Variants in GALNT2 observed in about 807,000 individuals in gnomAD.
The protein encoded by GALNT2 is UDP-GalNAc:polypeptide N-acetylgalactosaminyltransferase 2.
GALNT2 carries 31 observed loss-of-function variants against 81.4 expected under a neutral mutation model. The observed-to-expected ratio is 0.38, with a 90% confidence interval of 0.29 to 0.51. The LOEUF is 0.51. GALNT2 is among the 20% of genes least tolerant of loss of function. GALNT2 has a pLI of 0.87. For missense variants in GALNT2, 629 were observed against 765.7 expected, an observed-to-expected ratio of 0.82 and a Z score of 2.11; for synonymous variants, 303 against 287.4, an observed-to-expected ratio of 1.05 and a Z score of -0.55.
chr1:230,224,406 C>T (rs1264915229), intron 3 of GALNT2, among the ~76,000 whole-genome samples: 4 of 152,136 alleles, frequency 2.6e-5, no homozygotes, highest in Admixed American at 6.5e-5. Context: ...GTGCAGCCCT[C>T]GGAGGGCATG....
At chr1:230,200,886 G>A (rs1183459895) in intron 2 of GALNT2, among the ~76,000 whole-genome samples, 1 of 152,226 alleles carries the variant, frequency 6.6e-6, no homozygotes, top group Admixed American at 6.5e-5. Context: ...GGGTATTCAG[G>A]ACATTAAATA....
At chr1:230,181,571 T>C (rs1663162277) in intron 2 of GALNT2, among the ~76,000 whole-genome samples, 1 of 152,054 alleles carries the variant, frequency 6.6e-6, no homozygotes, top group African/African-American at 2.4e-5. Flanking sequence ...TTTTTTTTTT[T>C]AGAGACAGGG....
intron 2 of GALNT2, among the ~76,000 whole-genome samples, chr1:230,191,827 G>GT (rs113191302): frequency 0.2 from 29,958 of 152,222 alleles, 3,454 homozygotes; most frequent in East Asian, 0.52. Context: ...AGCAGCGTTT[G>GT]TTTTTATCTG....
At chr1:230,172,781 C>T (rs1662836213) in intron 1 of GALNT2, among the ~76,000 whole-genome samples, 1 of 152,226 alleles carries the variant, frequency 6.6e-6, no homozygotes, top group African/African-American at 2.4e-5. Flanking sequence ...ACAACGAAAC[C>T]TATATTTACA....
At chr1:230,092,055 T>C (rs1175876274) in intron 1 of GALNT2, 2 of 152,264 alleles carry the variant, frequency 1.3e-5, no homozygotes, top group Non-Finnish European at 1.5e-5. Flanking sequence ...TTCTGCGTTC[T>C]AATTGGATCC....
chr1:230,195,911 CAGAT>C lies in GALNT2; in HGVS notation c.221-7223_221-7220del, dbSNP rs1301306939. Among the ~76,000 whole-genome samples, 3 of 152,106 alleles carry C rather than the reference CAGAT, an allele frequency of 2.0e-5. No individual in the cohort carries two copies. In the East Asian group the frequency reaches 5.8e-4, roughly 29 times the overall value. On this transcript the variant is annotated intron_variant, in intron 2 of 15. Coordinates refer to ENST00000366672, the MANE Select transcript of GALNT2 (RefSeq NM_004481.5). Reference sequence around the variant, plus strand: ...ATGGCATTTGGCTGGGGACAATCCTCAGATAGGGGCAGGGCCTTCCTGAGCAGGG... The same window carrying C: ...ATGGCATTTGGCTGGGGACAATCCTCAGGGGCAGGGCCTTCCTGAGCAGGG...
Position 230,155,980 on chromosome 1 carries a change from G to C in GALNT2, c.127-22238G>C, listed in dbSNP as rs898495497. Among the ~76,000 whole-genome samples, 21 of 152,274 alleles carry C rather than the reference G, an allele frequency of 1.4e-4. 1 individual carries two copies. Among genetic ancestry groups the C allele is most frequent in the Admixed American group, 5.2e-4 (8 of 15,294 alleles). On this transcript the variant is annotated intron_variant, in intron 1 of 15. Coordinates refer to ENST00000366672, the MANE Select transcript of GALNT2 (RefSeq NM_004481.5). ...CATGGGATCAGTGCTAAGGGCCTGT[G>C]TGGTGGGCTCTGTCTGGGTGGGAGA... is the stretch of plus-strand genomic sequence containing the variant.
At chr1:230,228,178 TAACTG>T (rs755152516) in intron 3 of GALNT2, among the ~76,000 whole-genome samples, 147 of 152,324 alleles carry the variant, frequency 9.7e-4, no homozygotes, top group Non-Finnish European at 1.7e-3. Flanking sequence ...TTGTAAAACA[TAACTG>T]AAGGATATTT....
intron 1 of GALNT2, among the ~76,000 whole-genome samples, chr1:230,152,598 T>C (rs796331966): frequency 2.6e-5 from 4 of 152,318 alleles, no homozygotes; most frequent in African/African-American, 9.6e-5. Flanking sequence ...CTACATCAAA[T>C]TTATTTGTTA....
upstream of GALNT2, among the ~76,000 whole-genome samples, chr1:230,064,116 C>T (rs1254331990): frequency 6.6e-6 from 1 of 151,936 alleles, no homozygotes; most frequent in Non-Finnish European, 1.5e-5. Flanking sequence ...TAATATATTA[C>T]CCTTAATTCC....
intron 1 of GALNT2, among the ~76,000 whole-genome samples, chr1:230,119,454 C>T (rs148577263): frequency 6.6e-6 from 1 of 152,154 alleles, no homozygotes; most frequent in African/African-American, 2.4e-5. Flanking sequence ...CGAGGCTGCT[C>T]GCCACGTGGG....
rs1176284236 is a variant in GALNT2 at position 230,279,387 on chromosome 1, G to A, written c.1645G>A (p.Gly549Ser). Residue 549 changes from glycine (G) to serine (S), a missense_variant, in exon 16 of 16, where the codon GGC (glycine) becomes AGC (serine). Coordinates refer to ENST00000366672, the MANE Select transcript of GALNT2 (RefSeq NM_004481.5). The surrounding 1 kb of genome is among the most constrained non-coding windows in gnomAD (Gnocchi z 4.6). ...CLDSRTAKSG[G>S]LSVEVCGPAL... ...GGACAGTCGCACGGCCAAGAGCGGG[G>A]GCCTAAGCGTGGAGGTGTGTGGCCC... 2.5e-6 allele frequency: 4 copies of A among 1,614,032 alleles called. No individual in the cohort carries two copies. Among genetic ancestry groups the A allele is most frequent in the Non-Finnish European group, 3.4e-6 (4 of 1,180,036 alleles).
intron 1 of GALNT2, among the ~76,000 whole-genome samples, chr1:230,164,500 T>G (rs1662538269): frequency 6.8e-6 from 1 of 148,074 alleles, no homozygotes; most frequent in Non-Finnish European, 1.5e-5. Context: ...TCATGTGATC[T>G]CTTTCTTGCC....
chr1:230,078,505 T>A (rs1432981091), intron 1 of GALNT2, among the ~76,000 whole-genome samples: 2 of 152,270 alleles, frequency 1.3e-5, no homozygotes, highest in Admixed American at 1.3e-4. Flanking sequence ...GAGGTGCTTC[T>A]GCCTCACAGC....
chr1:230,106,324 A>G (rs1472212060), intron 1 of GALNT2, among the ~76,000 whole-genome samples: 1 of 152,202 alleles, frequency 6.6e-6, no homozygotes, highest in Non-Finnish European at 1.5e-5. Context: ...TACTGAATGG[A>G]GATGACAGGC....
At chr1:230,084,559 G>A (rs929650263) in intron 1 of GALNT2, among the ~76,000 whole-genome samples, 2 of 152,148 alleles carry the variant, frequency 1.3e-5, no homozygotes, top group African/African-American at 4.8e-5. Context: ...GCTCAGCACC[G>A]AGACGTTGCT....
chr1:230,187,333 T>C (rs141645212), intron 2 of GALNT2, among the ~76,000 whole-genome samples: 28 of 152,380 alleles, frequency 1.8e-4, no homozygotes, highest in African/African-American at 5.5e-4. Context: ...TATTGATACA[T>C]TCTAAATGAA....
chr1:230,096,693 G>A (rs1660264849), intron 1 of GALNT2, among the ~76,000 whole-genome samples: 1 of 152,122 alleles, frequency 6.6e-6, no homozygotes, highest in Non-Finnish European at 1.5e-5. Flanking sequence ...CACCAATGTT[G>A]CACCTTCTTA....
At chr1:230,239,332 C>A (rs1665127202) in intron 6 of GALNT2, among the ~76,000 whole-genome samples, 1 of 152,108 alleles carries the variant, frequency 6.6e-6, no homozygotes, top group South Asian at 2.1e-4. Context: ...GGAATATTGA[C>A]TCACACAATC....
Sources: gnomAD v4.1 joint callset for allele counts (sites outside exome capture counted in the v4.1 genomes callset) on GRCh38, gnomAD v4.1.1 for gene constraint, Gnocchi (gnomAD v3.1) non-coding constraint, MANE v1.5 for transcripts, NCBI Gene and HGNC (gene_info 2026-07-23, HGNC 2026-07-21) for gene names.